The following SNTG1 variants were observed in gnomAD, a reference collection of about 807,000 sequenced individuals.
SNTG1 encodes gamma-1-syntrophin.
Under a neutral mutation model 74.7 loss-of-function variants are expected in SNTG1, and 39 were observed. The ratio of observed to expected loss-of-function variants is 0.52; its 90% confidence interval spans 0.40 to 0.68. The LOEUF is 0.68. Ranked by LOEUF, SNTG1 falls within the 30% of genes least tolerant of loss-of-function variation. SNTG1 has a pLI of 0.00. For synonymous variants in SNTG1, 254 were observed against 217.1 expected (o/e 1.17, Z -1.49); for missense variants, 685 against 609.5 (o/e 1.12, Z -1.30).
At chr8:50,226,413 G>GT (rs370358166) in intron 2 of SNTG1, among the ~76,000 whole-genome samples, 71 of 152,080 alleles carry the variant, frequency 4.7e-4, no homozygotes, top group African/African-American at 1.4e-3. Flanking sequence ...AAGATAGCTA[G>GT]TTTTTTTTCT....
At chr8:50,691,572 T>C (rs2095379592) in intron 15 of SNTG1, among the ~76,000 whole-genome samples, 1 of 152,234 alleles carries the variant, frequency 6.6e-6, no homozygotes, top group African/African-American at 2.4e-5. Context: ...TGTTGAATAT[T>C]GGTCCCCACT....
intron 9 of SNTG1, among the ~76,000 whole-genome samples, chr8:50,529,643 T>G (rs1259364484): frequency 6.6e-6 from 1 of 152,098 alleles, no homozygotes; most frequent in Non-Finnish European, 1.5e-5. Context: ...AGGCATCTCA[T>G]TAAAATCTAA....
intron 8 of SNTG1, among the ~76,000 whole-genome samples, chr8:50,491,944 C>A (rs1376248630): frequency 7.4e-6 from 1 of 134,526 alleles, no homozygotes; most frequent in Non-Finnish European, 1.6e-5. Context: ...GTCCACGTGT[C>A]CTCACTGTTC....
intron 8 of SNTG1, among the ~76,000 whole-genome samples, chr8:50,490,285 T>C (rs1050002054): frequency 6.6e-6 from 1 of 151,908 alleles, no homozygotes; most frequent in Admixed American, 6.5e-5. Context: ...AAATTGAACG[T>C]AGTTTTTTCT....
At chr8:50,091,397 C>T (rs1359366704) in intron 1 of SNTG1, among the ~76,000 whole-genome samples, 1 of 152,016 alleles carries the variant, frequency 6.6e-6, no homozygotes, top group Non-Finnish European at 1.5e-5. Context: ...CATTAAGTCT[C>T]TAGATTATTC....
At chr8:50,481,786 C>T (rs891242249) in intron 8 of SNTG1, among the ~76,000 whole-genome samples, 2 of 152,090 alleles carry the variant, frequency 1.3e-5, no homozygotes, top group Non-Finnish European at 2.9e-5. Context: ...CTATGAAATC[C>T]TTTTACGTCT....
chr8:50,657,108 C>A, intron 14 of SNTG1, 83 bp downstream of exon 14: 1 of 627,404 alleles, frequency 1.6e-6, no homozygotes, highest in Admixed American at 3.0e-5. Flanking sequence ...AAATAGTATA[C>A]CATCAATATT....
intron 13 of SNTG1, among the ~76,000 whole-genome samples, chr8:50,641,719 T>A (rs1428208614): frequency 6.6e-6 from 1 of 152,232 alleles, no homozygotes; most frequent in Non-Finnish European, 1.5e-5. Context: ...AATTGAGTCA[T>A]CCATGCATTT....
At chr8:50,453,245 G>C (rs910726108) in intron 8 of SNTG1, among the ~76,000 whole-genome samples, 14 of 152,160 alleles carry the variant, frequency 9.2e-5, no homozygotes, top group African/African-American at 3.4e-4. Context: ...CTGGTGCTGT[G>C]AGCAGTAGGT....
At chr8:50,306,043 C>G (rs961101988) in intron 2 of SNTG1, among the ~76,000 whole-genome samples, 1 of 143,930 alleles carries the variant, frequency 6.9e-6, no homozygotes, top group Non-Finnish European at 1.5e-5. Context: ...ATCCCTACCC[C>G]CCTCCCACCC....
In SNTG1 at chr8:50,688,366, C is replaced by G. The variant is rs867825996; in HGVS notation, c.1039-16234C>G. 9.3e-4 allele frequency among the ~76,000 whole-genome samples: 141 copies of G among 152,252 alleles called. 2 individuals are homozygous for G. The highest frequency in any genetic ancestry group is 6.8e-3 in the Middle Eastern group (2 of 294). ...TCCTGAATGGTATTGCCTAGGTTTT[C>G]TTCTAGGGTTTTTATGGTTTTAGGT... On this transcript the variant is annotated intron_variant, in intron 15 of 18. Coordinates refer to ENST00000642720, the MANE Select transcript of SNTG1 (RefSeq NM_018967.5).
chr8:50,688,022 T>C (rs2095360358), intron 15 of SNTG1, among the ~76,000 whole-genome samples: 1 of 151,824 alleles, frequency 6.6e-6, no homozygotes, highest in Non-Finnish European at 1.5e-5. Context: ...ATGAGCATTT[T>C]TTCATGCGTT....
chr8:50,301,074 T>G (rs776803975), intron 2 of SNTG1, among the ~76,000 whole-genome samples: 4 of 152,152 alleles, frequency 2.6e-5, no homozygotes, highest in Non-Finnish European at 5.9e-5. Flanking sequence ...CTTATCCTAT[T>G]TGGAGTTTAT....
chr8:50,774,451 C>T (rs1251338882), intron 18 of SNTG1, among the ~76,000 whole-genome samples: 1 of 151,610 alleles, frequency 6.6e-6, no homozygotes, highest in Non-Finnish European at 1.5e-5. Flanking sequence ...TAGAACGGCA[C>T]ATTTAAGTGA....
chr8:50,420,884 G>C (rs1009282925), intron 4 of SNTG1, among the ~76,000 whole-genome samples: 19 of 151,834 alleles, frequency 1.3e-4, no homozygotes, highest in Admixed American at 3.3e-4. Flanking sequence ...AATTAGCTTT[G>C]TGTGGTGGCA....
intron 8 of SNTG1, among the ~76,000 whole-genome samples, chr8:50,483,679 A>G (rs1388280290): frequency 2.6e-5 from 4 of 152,204 alleles, no homozygotes; most frequent in Admixed American, 1.3e-4. Flanking sequence ...AAGCAATTCT[A>G]CAATATTTAC....
chr8:50,113,637 A>C (rs1012964076), intron 1 of SNTG1, among the ~76,000 whole-genome samples: 8 of 152,170 alleles, frequency 5.3e-5, no homozygotes, highest in African/African-American at 1.9e-4. Context: ...AGGAGTGGTG[A>C]GAGAGGGCAT....
chr8:50,687,420 C>A lies in SNTG1; in HGVS notation c.1039-17180C>A, dbSNP rs889588653. 1.1e-4 allele frequency among the ~76,000 whole-genome samples: 17 copies of A among 152,112 alleles called. 1 individual carries two copies. The highest frequency in any genetic ancestry group is 1.0e-3 in the Admixed American group (16 of 15,282). ...AATACATGTACCTCCCTTTTAAGGA[C>A]ACACATGGAAGAAATCGAAAAAGAC... On this transcript the variant is annotated intron_variant, in intron 15 of 18. Transcript: ENST00000642720.
At chr8:50,778,617 G>A (rs902396956) in intron 18 of SNTG1, among the ~76,000 whole-genome samples, 4 of 149,666 alleles carry the variant, frequency 2.7e-5, no homozygotes, top group Non-Finnish European at 4.4e-5. Flanking sequence ...TCTGTCAGAT[G>A]AGTAGGTTGC....
Sources: allele counts gnomAD v4.1 joint callset (sites outside exome capture counted in the v4.1 genomes callset), GRCh38; gene constraint gnomAD v4.1.1; transcripts MANE v1.5; gene names NCBI Gene and HGNC (gene_info 2026-07-23, HGNC 2026-07-21).